Variants in RSRC1 observed in about 807,000 individuals in gnomAD.
RSRC1 encodes arginine and serine rich coiled-coil 1.
In RSRC1, 39 loss-of-function variants were observed where a neutral mutation model predicts 49.1. The observed-to-expected ratio is 0.79, with a 90% CI of 0.61 to 1.04. RSRC1 has a LOEUF of 1.04. RSRC1 is among the 50% of genes least tolerant of loss of function. RSRC1 has a pLI of 0.00. For missense variants in RSRC1, 388 were observed against 402.4 expected, an observed-to-expected ratio of 0.96 and a Z score of 0.31; for synonymous variants, 143 against 130.8, an observed-to-expected ratio of 1.09 and a Z score of -0.63.
chr3:158,203,933 G>A (rs966978694), intron 4 of RSRC1, among the ~76,000 whole-genome samples: 1 of 152,102 alleles, frequency 6.6e-6, no homozygotes, highest in African/African-American at 2.4e-5. Context: ...TTTTTTAACA[G>A]AGTAAATTTA....
chr3:158,466,432 G>T (rs1210100671), intron 7 of RSRC1, among the ~76,000 whole-genome samples: 1 of 152,064 alleles, frequency 6.6e-6, no homozygotes, highest in East Asian at 1.9e-4. Context: ...CAAATTTCAA[G>T]ACCAACTCAA....
chr3:158,346,453 A>G (rs1730559845), intron 5 of RSRC1, among the ~76,000 whole-genome samples: 1 of 152,354 alleles, frequency 6.6e-6, no homozygotes, highest in South Asian at 2.1e-4. Flanking sequence ...TTTTGAGAAA[A>G]CAATCTAATA....
At chr3:158,281,056 A>G (rs1374707450) in intron 4 of RSRC1, among the ~76,000 whole-genome samples, 4 of 152,170 alleles carry the variant, frequency 2.6e-5, no homozygotes, top group Non-Finnish European at 5.9e-5. Flanking sequence ...AAGAAAGACT[A>G]GGATGGAGGT....
At chr3:158,195,753 G>A (rs185589265) in intron 3 of RSRC1, among the ~76,000 whole-genome samples, 11,637 of 152,144 alleles carry the variant, frequency 0.076, 533 homozygotes, top group South Asian at 0.13. Flanking sequence ...ATTAAATAGG[G>A]AATCCTTTCC....
intron 6 of RSRC1, among the ~76,000 whole-genome samples, chr3:158,452,132 A>G (rs1737076435): frequency 6.6e-6 from 1 of 152,144 alleles, no homozygotes; most frequent in Non-Finnish European, 1.5e-5. Context: ...GTTTGCTTCC[A>G]GGTGAATAAA....
At chr3:158,324,913 T>C (rs1407568751) in intron 5 of RSRC1, among the ~76,000 whole-genome samples, 1 of 152,232 alleles carries the variant, frequency 6.6e-6, no homozygotes, top group East Asian at 1.9e-4. Flanking sequence ...GACTTTTTAA[T>C]GATCGCCATT....
chr3:158,266,007 A>T (rs1559968334), intron 4 of RSRC1, among the ~76,000 whole-genome samples: 1 of 152,102 alleles, frequency 6.6e-6, no homozygotes, highest in South Asian at 2.1e-4. Context: ...AATTTCCTAT[A>T]TATATGGGTC....
At chr3:158,284,667 G>T (rs1458329839) in intron 4 of RSRC1, among the ~76,000 whole-genome samples, 5 of 150,164 alleles carry the variant, frequency 3.3e-5, no homozygotes, top group Non-Finnish European at 5.9e-5. Flanking sequence ...TTTTTCATGT[G>T]GTTTTTGGCT....
At chr3:158,213,637 G>A (rs1721807230) in intron 4 of RSRC1, among the ~76,000 whole-genome samples, 1 of 151,874 alleles carries the variant, frequency 6.6e-6, no homozygotes, top group African/African-American at 2.4e-5. Context: ...TGAAATTGCA[G>A]TCTTTGGCCC....
intron 3 of RSRC1, among the ~76,000 whole-genome samples, chr3:158,141,879 C>T (rs1716770896): frequency 6.6e-6 from 1 of 152,190 alleles, no homozygotes; most frequent in Non-Finnish European, 1.5e-5. Flanking sequence ...GGGCGGATCA[C>T]TTGAGCTCAG....
chr3:158,110,352 G>A (rs918531278), intron 1 of RSRC1, 129 bp downstream of exon 1: 1 of 152,542 alleles, frequency 6.6e-6, no homozygotes, highest in South Asian at 2.1e-4. Flanking sequence ...GTGGGCTGCG[G>A]CCTCGGGGCG....
intron 6 of RSRC1, among the ~76,000 whole-genome samples, chr3:158,395,196 A>C (rs1485360866): frequency 1.3e-5 from 2 of 152,140 alleles, no homozygotes; most frequent in Non-Finnish European, 2.9e-5. Context: ...TGGATTAAAG[A>C]CTTAAATATA....
At chr3:158,303,365 T>C (rs1280480144) in intron 5 of RSRC1, 1 of 152,240 alleles carries the variant, frequency 6.6e-6, no homozygotes, top group Non-Finnish European at 1.5e-5. Flanking sequence ...CTGATCAGTA[T>C]GATGTTTCTA....
chr3:158,409,467 T>G (rs1018076491), intron 6 of RSRC1, among the ~76,000 whole-genome samples: 2 of 152,202 alleles, frequency 1.3e-5, no homozygotes, highest in Non-Finnish European at 2.9e-5. Context: ...TCTATTTATT[T>G]TCTTTATTTG....
intron 3 of RSRC1, among the ~76,000 whole-genome samples, chr3:158,158,569 T>A (rs1213635036): frequency 3.3e-5 from 5 of 152,166 alleles, no homozygotes; most frequent in Non-Finnish European, 5.9e-5. Flanking sequence ...CACTATGGGG[T>A]AGCAAAACTC....
At chr3:158,241,216 G>A (rs1010418021) in intron 4 of RSRC1, among the ~76,000 whole-genome samples, 5 of 152,144 alleles carry the variant, frequency 3.3e-5, no homozygotes, top group African/African-American at 4.8e-5. Flanking sequence ...GGGAAGCCAA[G>A]GTGGGTGGAT....
intron 7 of RSRC1, among the ~76,000 whole-genome samples, chr3:158,498,746 A>G (rs570165921): frequency 3.9e-5 from 6 of 152,306 alleles, no homozygotes; most frequent in Middle Eastern, 3.4e-3. Context: ...TGATTTTTGT[A>G]CAAGGTAAGA....
chr3:158,256,666 T>C (rs922338777), intron 4 of RSRC1, among the ~76,000 whole-genome samples: 4 of 152,200 alleles, frequency 2.6e-5, no homozygotes, highest in African/African-American at 9.6e-5. Context: ...TCTTTGTACC[T>C]CTAGTAGAAT....
At chr3:158,147,282 C>A (rs1381686312) in intron 3 of RSRC1, among the ~76,000 whole-genome samples, 1 of 151,668 alleles carries the variant, frequency 6.6e-6, no homozygotes, top group South Asian at 2.1e-4. Flanking sequence ...GCTCTGTCAC[C>A]CAGGTTTGAA....
Sources: allele counts gnomAD v4.1 joint callset (sites outside exome capture counted in the v4.1 genomes callset), GRCh38; gene constraint gnomAD v4.1.1; transcripts MANE v1.5; gene names NCBI Gene and HGNC (gene_info 2026-07-23, HGNC 2026-07-21).